The following QTGAL variants were observed in gnomAD, a reference collection of about 807,000 sequenced individuals.
QTGAL encodes the protein BGnT-like protein 1.
chr17:82,996,432 G>C, the QTGAL span, among the ~76,000 whole-genome samples: 1 of 150,176 alleles, frequency 6.7e-6, no homozygotes, highest in Non-Finnish European at 1.5e-5. Flanking sequence ...TGAGGCAGGA[G>C]AATCACTCGA....
At chr17:82,998,006 T>C in the QTGAL span, among the ~76,000 whole-genome samples, 166 of 150,080 alleles carry the variant, frequency 1.1e-3, no homozygotes, top group Admixed American at 5.3e-3. Context: ...TATATCTAGA[T>C]ATATATAGTT....
the QTGAL span, among the ~76,000 whole-genome samples, chr17:83,009,258 C>T: frequency 6.6e-6 from 1 of 152,038 alleles, no homozygotes; most frequent in Admixed American, 6.5e-5. Flanking sequence ...CCTATCTCTA[C>T]TAAAAATACA....
chr17:83,005,360 G>T, the QTGAL span: 25 of 698,960 alleles, frequency 3.6e-5, no homozygotes, highest in African/African-American at 4.2e-4. The surrounding 1 kb of genome is among the most constrained non-coding windows in gnomAD (Gnocchi z 5.6). Context: ...CAAACACCGG[G>T]AGTCGAGGGC....
At chr17:82,961,059 G>A in the QTGAL span, 41 of 1,608,922 alleles carry the variant, frequency 2.5e-5, no homozygotes, top group African/African-American at 1.9e-4. Flanking sequence ...TGACTCACTC[G>A]AGGACGCAGT....
At chr17:82,957,449 G>A in the QTGAL span, 2 of 1,611,246 alleles carry the variant, frequency 1.2e-6, no homozygotes, top group Admixed American at 1.7e-5. Context: ...AGCGGGGCAG[G>A]GCCTGCTCTT....
chr17:83,051,649 C>T, the QTGAL span: 4 of 1,269,980 alleles, frequency 3.1e-6, no homozygotes, highest in Non-Finnish European at 4.1e-6. Context: ...GGGCTGCGAA[C>T]CCCGGAGCGA....
the QTGAL span, chr17:82,947,042 G>A: frequency 1.4e-6 from 2 of 1,454,280 alleles, no homozygotes; most frequent in South Asian, 1.2e-5. Context: ...GGCCACTGTG[G>A]AGCCTCCTCC....
chr17:82,942,968 G>A, the QTGAL span: 1 of 176,396 alleles, frequency 5.7e-6, no homozygotes, highest in East Asian at 1.8e-4. Flanking sequence ...TGGAGTGCTG[G>A]GCAGATGCTG....
the QTGAL span, among the ~76,000 whole-genome samples, chr17:83,009,458 C>T: frequency 6.6e-6 from 1 of 151,974 alleles, no homozygotes; most frequent in Non-Finnish European, 1.5e-5. Context: ...ATGAGGTAAG[C>T]CCCCCACACA....
At chr17:82,964,713 C>CA in the QTGAL span, among the ~76,000 whole-genome samples, 1 of 107,284 alleles carries the variant, frequency 9.3e-6, no homozygotes. Flanking sequence ...TGCACCCCCA[C>CA]GGGGGGACGG....
chr17:83,045,905 T>A, the QTGAL span, among the ~76,000 whole-genome samples: 1 of 151,932 alleles, frequency 6.6e-6, no homozygotes, highest in Non-Finnish European at 1.5e-5. Flanking sequence ...GAGATCGCGA[T>A]CTCTGCCTCC....
chr17:83,014,070 G>T, the QTGAL span, among the ~76,000 whole-genome samples: 2 of 152,154 alleles, frequency 1.3e-5, no homozygotes, highest in South Asian at 4.1e-4. Context: ...GCTTTGGAGG[G>T]GCAACTGAGA....
At chr17:83,009,280 C>T in the QTGAL span, among the ~76,000 whole-genome samples, 7 of 151,924 alleles carry the variant, frequency 4.6e-5, no homozygotes, top group South Asian at 2.1e-4. Flanking sequence ...AAAAATTAGC[C>T]GGGCGTGGTG....
the QTGAL span, among the ~76,000 whole-genome samples, chr17:83,029,505 A>G: frequency 6.6e-6 from 1 of 152,150 alleles, no homozygotes; most frequent in East Asian, 1.9e-4. Context: ...GTGAGACGTG[A>G]GAAGACCGAG....
chr17:82,947,114 G>A, the QTGAL span: 3 of 713,708 alleles, frequency 4.2e-6, no homozygotes, highest in African/African-American at 3.6e-5. Flanking sequence ...TCTGCTAATA[G>A]CGGAGAGGCT....
chr17:82,973,090 G>C, the QTGAL span, among the ~76,000 whole-genome samples: 1 of 152,234 alleles, frequency 6.6e-6, no homozygotes, highest in African/African-American at 2.4e-5. Context: ...CATGTGCACA[G>C]CCTTGGGGCC....
the QTGAL span, among the ~76,000 whole-genome samples, chr17:82,952,362 G>A: frequency 2.0e-4 from 31 of 152,082 alleles, 1 homozygote; most frequent in Non-Finnish European, 7.4e-5. Context: ...CCACTCACCC[G>A]TGGTTATTTA....
At chr17:83,000,088 A>G in the QTGAL span, among the ~76,000 whole-genome samples, 50,476 of 151,806 alleles carry the variant, frequency 0.33, 8,629 homozygotes, top group East Asian at 0.39. Flanking sequence ...TCAGCCTCCC[A>G]TGTAGCTGGG....
the QTGAL span, among the ~76,000 whole-genome samples, chr17:83,044,671 C>T: frequency 6.6e-5 from 10 of 152,330 alleles, no homozygotes; most frequent in African/African-American, 9.6e-5. Flanking sequence ...AAGCCAGGCG[C>T]GGCGGCTCAC....
Sources: gnomAD v4.1 joint callset for allele counts (sites outside exome capture counted in the v4.1 genomes callset) on GRCh38, gnomAD v4.1.1 for gene constraint, Gnocchi (gnomAD v3.1) non-coding constraint, MANE v1.5 for transcripts, NCBI Gene and HGNC (gene_info 2026-07-23, HGNC 2026-07-21) for gene names.